RYR3: variants seen among roughly 807,000 people sequenced by gnomAD.
The protein encoded by RYR3 is ryanodine receptor 3, also known as brain ryanodine receptor-calcium release channel.
In RYR3, 207 loss-of-function variants were observed where a neutral mutation model predicts 584.3. The observed-to-expected ratio is 0.35, with a 90% CI of 0.32 to 0.40. The LOEUF (loss-of-function observed/expected upper bound fraction) is 0.40, where lower values mean the gene tolerates loss of function less well. Ranked by LOEUF, RYR3 falls within the 10% of genes least tolerant of loss-of-function variation. The probability of loss-of-function intolerance (pLI) is 1.00; values close to 1 mark genes in which losing one functional copy is unlikely to be tolerated. For synonymous variants in RYR3, 2,416 were observed against 2,248.5 expected, an observed-to-expected ratio of 1.07 and a Z score of -2.11; for missense variants, 5,616 against 6,089.2, an observed-to-expected ratio of 0.92 and a Z score of 2.59.
At chr15:33,708,171 T>C (rs754781750) in intron 43 of RYR3, among the ~76,000 whole-genome samples, 1 of 152,230 alleles carries the variant, frequency 6.6e-6, no homozygotes, top group Non-Finnish European at 1.5e-5. Context: ...CTGGTTCACT[T>C]TGTATCCAAA....
At chr15:33,332,027 G>T (rs961050160) in intron 1 of RYR3, among the ~76,000 whole-genome samples, 1 of 152,036 alleles carries the variant, frequency 6.6e-6, no homozygotes, top group African/African-American at 2.4e-5. Context: ...AGGAAGAAAG[G>T]AAGGAAGGAA....
chr15:33,640,744 C>T (rs374511418), intron 27 of RYR3, among the ~76,000 whole-genome samples: 2 of 152,202 alleles, frequency 1.3e-5, no homozygotes, highest in African/African-American at 4.8e-5. Flanking sequence ...CTTCCTGGGA[C>T]AAGAACTTCT....
At chr15:33,495,992 C>A (rs1157980003) in intron 2 of RYR3, among the ~76,000 whole-genome samples, 1 of 152,158 alleles carries the variant, frequency 6.6e-6, no homozygotes, top group Non-Finnish European at 1.5e-5. Context: ...TCCTGAAATA[C>A]AAACTACACA....
chr15:33,747,582 G>A (rs1164569114), intron 53 of RYR3, among the ~76,000 whole-genome samples: 3 of 152,010 alleles, frequency 2.0e-5, no homozygotes, highest in Middle Eastern at 3.4e-3. Context: ...GCACCACTAC[G>A]CACAGCTAAT....
chr15:33,376,716 T>G (rs1240139526), intron 1 of RYR3, among the ~76,000 whole-genome samples: 1 of 152,222 alleles, frequency 6.6e-6, no homozygotes, highest in Non-Finnish European at 1.5e-5. Flanking sequence ...AGGTCACGTT[T>G]TCCTCTGTGT....
chr15:33,426,437 G>A (rs1239564829), intron 1 of RYR3, among the ~76,000 whole-genome samples: 1 of 152,140 alleles, frequency 6.6e-6, no homozygotes, highest in Non-Finnish European at 1.5e-5. Context: ...GCAGGCTACA[G>A]GCACTATTCC....
intron 63 of RYR3, 60 bp from the exon 64 acceptor site, chr15:33,773,474 C>A: frequency 8.2e-7 from 1 of 1,226,522 alleles, no homozygotes; most frequent in Non-Finnish European, 1.2e-6. Flanking sequence ...TTTTCCTCTT[C>A]ATGGATCCTT....
chr15:33,828,528 G>GAAAGCAAAA (rs2152967913), intron 85 of RYR3, among the ~76,000 whole-genome samples: 1 of 152,314 alleles, frequency 6.6e-6, no homozygotes, highest in East Asian at 1.9e-4. Flanking sequence ...TGAATGATAA[G>GAAAGCAAAA]AAAGCAAAAC....
At chr15:33,414,420 T>C (rs1316243147) in intron 1 of RYR3, among the ~76,000 whole-genome samples, 3 of 152,240 alleles carry the variant, frequency 2.0e-5, no homozygotes, top group Non-Finnish European at 2.9e-5. Context: ...ATGTAAGATA[T>C]GGAGGTCTCC....
At chr15:33,815,987 G>T in intron 74 of RYR3, 3 of 397,960 alleles carry the variant, frequency 7.5e-6, no homozygotes, top group South Asian at 2.6e-4. Flanking sequence ...CTCCTTTATT[G>T]ACCATGATTT....
chr15:33,735,048 CT>C (rs2069322562), intron 48 of RYR3, among the ~76,000 whole-genome samples: 2 of 151,914 alleles, frequency 1.3e-5, no homozygotes, highest in Non-Finnish European at 2.9e-5. Flanking sequence ...TATTACTGTA[CT>C]TTTAGAGCTT....
intron 50 of RYR3, among the ~76,000 whole-genome samples, chr15:33,738,945 A>T (rs1555433430): frequency 6.6e-6 from 1 of 152,072 alleles, no homozygotes; most frequent in Admixed American, 6.5e-5. Context: ...GCCAACCTTC[A>T]CTAGGCTCGA....
chr15:33,513,459 G>A (rs530698843), intron 3 of RYR3, among the ~76,000 whole-genome samples: 2 of 152,294 alleles, frequency 1.3e-5, no homozygotes, highest in African/African-American at 2.4e-5. Flanking sequence ...ACGTGGAATC[G>A]GTGGAAAGAA....
chr15:33,859,315 TTA>T (rs2080083749), intron 99 of RYR3, among the ~76,000 whole-genome samples: 1 of 152,246 alleles, frequency 6.6e-6, no homozygotes, highest in African/African-American at 2.4e-5. Flanking sequence ...ATCTTTTAAC[TTA>T]TATACACCTT....
intron 62 of RYR3, among the ~76,000 whole-genome samples, chr15:33,770,928 A>G (rs2152886736): frequency 6.6e-6 from 1 of 152,382 alleles, no homozygotes; most frequent in East Asian, 1.9e-4. Context: ...CAAAACTTAT[A>G]GATGACTTGT....
chr15:33,861,054 T>A, intron 101 of RYR3, 24 bp from the exon 102 acceptor site: 1 of 1,530,716 alleles, frequency 6.5e-7, no homozygotes. Context: ...AACAAATGCC[T>A]TTTCTGCCTG....
chr15:33,666,010 G>A (rs567603327), intron 36 of RYR3, among the ~76,000 whole-genome samples: 1 of 152,168 alleles, frequency 6.6e-6, no homozygotes, highest in East Asian at 1.9e-4. Context: ...TTCACCCCTA[G>A]GGTTTCTTTT....
intron 1 of RYR3, among the ~76,000 whole-genome samples, chr15:33,382,495 A>G (rs978276692): frequency 1.3e-5 from 2 of 151,622 alleles, no homozygotes; most frequent in African/African-American, 4.8e-5. Context: ...GCTAATTTTC[A>G]TATTTTTAGT....
chr15:33,502,643 A>T (rs560734361), intron 2 of RYR3, among the ~76,000 whole-genome samples: 40 of 152,372 alleles, frequency 2.6e-4, no homozygotes, highest in African/African-American at 8.4e-4. Flanking sequence ...CACTACGTAA[A>T]TGAAATATTT....
Sources: gnomAD v4.1 joint callset for allele counts (sites outside exome capture counted in the v4.1 genomes callset) on GRCh38, gnomAD v4.1.1 for gene constraint, MANE v1.5 for transcripts, NCBI Gene and HGNC (gene_info 2026-07-23, HGNC 2026-07-21) for gene names.